The following FER variants were observed in gnomAD, a reference collection of about 807,000 sequenced individuals.
FER encodes the protein FER tyrosine kinase, also known as tyrosine-protein kinase Fer.
A neutral mutation model predicts 111.0 loss-of-function variants in FER; 63 were observed. That is an observed-to-expected ratio of 0.57 (90% confidence interval 0.46 to 0.70). FER has a LOEUF of 0.70. Among genes scored for constraint, FER ranks in the 30% least tolerant of loss-of-function variants. The probability of loss-of-function intolerance (pLI) is 0.00; values close to 1 mark genes in which losing one functional copy is unlikely to be tolerated. For synonymous variants in FER, 327 were observed against 313.9 expected (o/e 1.04, Z -0.44); for missense variants, 914 against 954.0 (o/e 0.96, Z 0.55).
intron 10 of FER, among the ~76,000 whole-genome samples, chr5:108,899,466 A>G (rs947253847): frequency 4.5e-4 from 69 of 152,088 alleles, no homozygotes; most frequent in African/African-American, 1.5e-3. Context: ...AGTGTGGTTT[A>G]TAATATTTCC....
chr5:108,959,164 G>A lies in FER; in HGVS notation c.1534-61G>A, dbSNP rs1039519184. On this transcript the variant is annotated intron_variant, in intron 12 of 19. Coordinates refer to ENST00000281092, the MANE Select transcript of FER (RefSeq NM_005246.4). ...TAAGAAAGGAATCTAATTTATCAATGAATGTAGATTTTCTAAAGCAATGTC... is the reference window on the plus strand; with the variant it reads ...TAAGAAAGGAATCTAATTTATCAATAAATGTAGATTTTCTAAAGCAATGTC... The A allele has an allele frequency of 3.9e-6, 6 of 1,528,724 alleles. No individual in the cohort carries two copies. The African/African-American group carries it at 8.3e-5, about 21-fold the overall frequency. The allele number at this position is 1,528,724 out of a possible 1,614,324, so 94.7% of individuals were successfully genotyped here.
At chr5:109,003,996 C>G (rs1032048630) in intron 13 of FER, among the ~76,000 whole-genome samples, 2 of 152,076 alleles carry the variant, frequency 1.3e-5, no homozygotes, top group Admixed American at 6.6e-5. Context: ...CAAAACCAAA[C>G]AACAAACCAA....
chr5:108,941,874 C>T (rs1404581908), intron 10 of FER, among the ~76,000 whole-genome samples: 1 of 152,080 alleles, frequency 6.6e-6, no homozygotes, highest in Admixed American at 6.6e-5. Context: ...TGTCCAAACC[C>T]ATAGAATGTA....
rs1239440282 is a variant in FER, at chr5:109,139,749, A to G, written c.2048+39230A>G. On this transcript the variant is annotated intron_variant, in intron 17 of 19. Transcript: ENST00000281092. The stretch of plus-strand genomic sequence containing the variant: ...AACACACATTTTGCTGACATGCCCT[A>G]ATGCTTAATATTTTGATGAATCAAT... Among the ~76,000 whole-genome samples, 9 of 152,124 alleles carry G rather than the reference A, an allele frequency of 5.9e-5. No homozygotes were observed. The South Asian group carries it at 1.9e-3, about 32-fold the overall frequency.
intron 13 of FER, among the ~76,000 whole-genome samples, chr5:109,019,879 T>A (rs551324161): frequency 1.3e-5 from 2 of 152,058 alleles, no homozygotes; most frequent in Admixed American, 1.3e-4. Flanking sequence ...AAAATGCTGA[T>A]GGTAACAATA....
chr5:108,764,305 AC>A (rs1752071989), intron 1 of FER, among the ~76,000 whole-genome samples: 2 of 152,208 alleles, frequency 1.3e-5, no homozygotes, highest in South Asian at 2.1e-4. Context: ...TATAGATATA[AC>A]TACTTCATTT....
chr5:108,796,947 T>C (rs1320413812), intron 2 of FER, among the ~76,000 whole-genome samples: 1 of 151,828 alleles, frequency 6.6e-6, no homozygotes, highest in East Asian at 2.0e-4. Context: ...AAGGAGTCTC[T>C]CACCATAGCC....
intron 13 of FER, among the ~76,000 whole-genome samples, chr5:109,028,065 T>C (rs1462012976): frequency 6.6e-6 from 1 of 152,190 alleles, no homozygotes; most frequent in Non-Finnish European, 1.5e-5. Context: ...ATATTTGTCA[T>C]TTATCTAGTG....
intron 8 of FER, among the ~76,000 whole-genome samples, chr5:108,880,162 A>C (rs1247016694): frequency 6.6e-6 from 1 of 152,200 alleles, no homozygotes; most frequent in Non-Finnish European, 1.5e-5. Context: ...TTTAATAAAC[A>C]CTTGTTTAAA....
intron 17 of FER, among the ~76,000 whole-genome samples, chr5:109,176,553 C>G (rs1001954040): frequency 1.3e-5 from 2 of 152,128 alleles, no homozygotes; most frequent in South Asian, 4.2e-4. Context: ...AGAAAGAGTT[C>G]TGGTGTTCTG....
intron 5 of FER, among the ~76,000 whole-genome samples, chr5:108,844,126 A>C (rs904766504): frequency 6.6e-6 from 1 of 150,964 alleles, no homozygotes; most frequent in Non-Finnish European, 1.5e-5. Flanking sequence ...GAACACATAT[A>C]TGTGTGTGAA....
intron 3 of FER, among the ~76,000 whole-genome samples, chr5:108,805,196 T>G (rs1245353581): frequency 6.6e-6 from 1 of 152,080 alleles, no homozygotes; most frequent in Non-Finnish European, 1.5e-5. Context: ...TCTCATGAGA[T>G]CCGATGGTTT....
At chr5:108,854,015 G>A (rs1043956532) in intron 5 of FER, among the ~76,000 whole-genome samples, 11 of 152,108 alleles carry the variant, frequency 7.2e-5, no homozygotes, top group Non-Finnish European at 1.3e-4. Context: ...GCTGAGAAGT[G>A]CTCAAATTCT....
chr5:108,752,339 A>G (rs146519135), intron 1 of FER, among the ~76,000 whole-genome samples: 78 of 152,238 alleles, frequency 5.1e-4, no homozygotes, highest in African/African-American at 1.8e-3. Flanking sequence ...TCATTCTACC[A>G]TAATGATTTG....
chr5:109,188,256 CAT>C lies in FER; in HGVS notation c.*682_*683del, dbSNP rs1759095399. On this transcript the variant is annotated 3_prime_UTR_variant, in exon 20 of 20. Transcript: ENST00000281092. ...GCCTGTAATCCCAGGCATGTAATCT[CAT>C]GCCTGGGATTACAGGCGTGAGCCAC... 1 of 144,372 alleles carries C rather than the reference CAT, an allele frequency of 6.9e-6. No individual in the cohort carries two copies. The highest frequency in any genetic ancestry group is 1.5e-5 in the Non-Finnish European group (1 of 65,700). 8.9% of individuals were successfully genotyped at this position (144,372 alleles called of 1,614,324 possible).
chr5:109,155,391 A>T (rs1755257190), intron 17 of FER, among the ~76,000 whole-genome samples: 1 of 151,990 alleles, frequency 6.6e-6, no homozygotes, highest in African/African-American at 2.4e-5. Flanking sequence ...AATAGAGCCG[A>T]TACTTAGAAA....
intron 13 of FER, among the ~76,000 whole-genome samples, chr5:109,022,003 A>T (rs1767991420): frequency 6.6e-6 from 1 of 152,030 alleles, no homozygotes; most frequent in African/African-American, 2.4e-5. Flanking sequence ...AAAAGGAAAC[A>T]AGCAAAGTAA....
At chr5:109,016,040 A>G (rs936471963) in intron 13 of FER, among the ~76,000 whole-genome samples, 3 of 152,006 alleles carry the variant, frequency 2.0e-5, no homozygotes, top group Non-Finnish European at 4.4e-5. Flanking sequence ...ACTATTAGTG[A>G]GCAAAGAGAA....
intron 17 of FER, among the ~76,000 whole-genome samples, chr5:109,123,399 G>A (rs190247995): frequency 5.9e-5 from 9 of 151,420 alleles, no homozygotes; most frequent in South Asian, 4.2e-4. Flanking sequence ...CTCATGATCC[G>A]CCCACCTCAG....
Sources: gnomAD v4.1 joint callset for allele counts (sites outside exome capture counted in the v4.1 genomes callset) on GRCh38, gnomAD v4.1.1 for gene constraint, MANE v1.5 for transcripts, NCBI Gene and HGNC (gene_info 2026-07-23, HGNC 2026-07-21) for gene names.